ZNF793: variants seen among roughly 807,000 people sequenced by gnomAD.
ZNF793 encodes the protein zinc finger protein 793.
ZNF793 carries 5 observed loss-of-function variants against 12.4 expected under a neutral mutation model. The ratio of observed to expected loss-of-function variants is 0.40; its 90% CI spans 0.21 to 0.84. The LOEUF (loss-of-function observed/expected upper bound fraction) is 0.84, where lower values mean the gene tolerates loss of function less well. Ranked by LOEUF, ZNF793 falls within the 40% of genes least tolerant of loss-of-function variation. The pLI, the probability that ZNF793 is intolerant of heterozygous loss-of-function variation, is 0.35. For missense variants in ZNF793, 456 were observed against 495.0 expected (o/e 0.92, Z 0.75); for synonymous variants, 162 against 172.4 (o/e 0.94, Z 0.47).
chr19:37,519,341 GAT>G (rs572570231), intron 2 of ZNF793, among the ~76,000 whole-genome samples: 23 of 152,260 alleles, frequency 1.5e-4, no homozygotes, highest in Admixed American at 1.2e-3. Context: ...CAGTGTAAGA[GAT>G]ATGATTTCCA....
chr19:37,522,467 G>C (rs1459922916), intron 3 of ZNF793, 65 bp from the exon 4 acceptor site: 1 of 152,152 alleles, frequency 6.6e-6, no homozygotes. Flanking sequence ...CAAAGTGCTG[G>C]GATTACAGGG....
At chr19:37,521,429 CTTTT>C (rs74174472) in intron 3 of ZNF793, among the ~76,000 whole-genome samples, 59 of 97,028 alleles carry the variant, frequency 6.1e-4, no homozygotes, top group African/African-American at 2.3e-3. Flanking sequence ...GGTCAATTCT[CTTTT>C]TTTTTTTTTT....
rs1350234925 is a variant in ZNF793 at position 37,537,634 on chromosome 19, C to T, written c.976C>T (p.Leu326Phe). The T allele has an allele frequency of 1.4e-5, 22 of 1,613,968 alleles. No individual in the cohort carries two copies. The highest frequency in any genetic ancestry group is 1.9e-5 in the Non-Finnish European group (22 of 1,180,008). Residue 326 changes from leucine (L) to phenylalanine (F), a missense_variant, in exon 8 of 8, where the codon CTC (leucine) becomes TTC (phenylalanine). Coordinates refer to ENST00000627814, the MANE Select transcript of ZNF793 (RefSeq NM_001013659.3). The part of the protein sequence containing the change: ...CGKSFGEKSY[L>F]NVHRKMHTGE... ...GAAATCGTTTGGTGAGAAGTCATAC[C>T]TCAATGTACATCGAAAAATGCACAC...
chr19:37,514,799 A>C (rs1162251407), intron 2 of ZNF793, among the ~76,000 whole-genome samples: 1 of 152,210 alleles, frequency 6.6e-6, no homozygotes, highest in Non-Finnish European at 1.5e-5. Flanking sequence ...ATTATGACTG[A>C]GAATAAATTT....
At position 37,539,332 on chromosome 19, in the gene ZNF793, A is replaced by T. The variant is rs971549406; in HGVS notation, c.*1453A>T. On this transcript the variant is annotated 3_prime_UTR_variant, in exon 8 of 8. Coordinates refer to ENST00000627814, the MANE Select transcript of ZNF793 (RefSeq NM_001013659.3). ...CTATTCTAGATACACTATTCTATAT[A>T]CAGGTTGTATAACTCAGAAATGTTT... 6.6e-6 allele frequency: 1 copy of T among 152,232 alleles called. No homozygotes were observed. Among genetic ancestry groups the T allele is most frequent in the Non-Finnish European group, 1.5e-5 (1 of 68,032 alleles). The allele number at this position is 152,232 out of a possible 1,614,324, so 9.4% of individuals were successfully genotyped here. A position where few individuals can be genotyped will look rare whatever the true frequency, so the allele number is the denominator to read the frequency against.
chr19:37,506,565 T>C, upstream of ZNF793: 1 of 152,184 alleles, frequency 6.6e-6, no homozygotes, highest in African/African-American at 2.4e-5. Context: ...GCGGTAAAAA[T>C]GTACGCGGCC....
intron 4 of ZNF793, among the ~76,000 whole-genome samples, chr19:37,522,880 T>C (rs562990924): frequency 6.6e-6 from 1 of 152,192 alleles, no homozygotes; most frequent in African/African-American, 2.4e-5. Context: ...TTCTTTTCCT[T>C]TTATAATCAT....
chr19:37,527,639 C>T (rs1004117793), intron 5 of ZNF793, among the ~76,000 whole-genome samples: 3 of 152,170 alleles, frequency 2.0e-5, no homozygotes, highest in East Asian at 1.9e-4. Flanking sequence ...CACTGCTTTG[C>T]ATCTCATGTT....
rs1207044398 is a variant in ZNF793 at position 37,542,446 on chromosome 19, T to G, written c.*4567T>G. ...ATATTATTAAAATATTTATGTCACT[T>G]TGGAGAATCTTCCCTTAGAAGTAAA... On this transcript the variant is annotated 3_prime_UTR_variant, in exon 8 of 8. Transcript: ENST00000627814. 2.4e-6 allele frequency: 1 copy of G among 414,906 alleles called. No homozygotes were observed. The highest frequency in any genetic ancestry group is 2.1e-5 in the African/African-American group (1 of 48,572). 25.7% of individuals were successfully genotyped at this position (414,906 alleles called of 1,614,324 possible).
In ZNF793 at chr19:37,540,899, G is replaced by GA. The variant is rs1285323919; in HGVS notation, c.*3027dup. 1.3e-5 allele frequency: 2 copies of GA among 151,088 alleles called. No homozygotes were observed. The highest frequency in any genetic ancestry group is 2.1e-4 in the South Asian group (1 of 4,808). 9.4% of individuals were successfully genotyped at this position (151,088 alleles called of 1,614,324 possible). A position where few individuals can be genotyped will look rare whatever the true frequency, so the allele number is the denominator to read the frequency against. On this transcript the variant is annotated 3_prime_UTR_variant, in exon 8 of 8. Coordinates refer to ENST00000627814, the MANE Select transcript of ZNF793 (RefSeq NM_001013659.3). Reference sequence around the variant, plus strand: ...TTGACAATCATTGAAAAAAATATATGAAAAAAATCATACCATGTATAAAAA... The same window carrying GA: ...TTGACAATCATTGAAAAAAATATATGAAAAAAAATCATACCATGTATAAAAA...
At chr19:37,512,255 G>T (rs1226820808) in intron 2 of ZNF793, among the ~76,000 whole-genome samples, 1 of 152,140 alleles carries the variant, frequency 6.6e-6, no homozygotes, top group Non-Finnish European at 1.5e-5. Context: ...GGTGGCTCAT[G>T]CCTGTAATCC....
At position 37,523,518 on chromosome 19, in the gene ZNF793, G is replaced by A. The variant is rs2042390871; in HGVS notation, c.15+64G>A. On this transcript the variant is annotated intron_variant, in intron 5 of 7. Transcript: ENST00000627814. ...GGAAACTGTCCTAGAGGAAAAAAAG[G>A]GTGTGCATTGTAAGTATGTACAGTT... is the stretch of plus-strand genomic sequence containing the variant. 7 of 1,498,318 alleles carry A rather than the reference G, an allele frequency of 4.7e-6. No homozygotes were observed. The Admixed American group carries it at 1.0e-4, about 22-fold the overall frequency. 92.8% of individuals were successfully genotyped at this position (1,498,318 alleles called of 1,614,324 possible).
intron 7 of ZNF793, chr19:37,535,638 C>G (rs1457849352): frequency 6.6e-6 from 1 of 152,128 alleles, no homozygotes; most frequent in Non-Finnish European, 1.5e-5. Context: ...GATTCTCCTG[C>G]CTCAGCCTCC....
intron 2 of ZNF793, among the ~76,000 whole-genome samples, chr19:37,512,235 G>A (rs1040238322): frequency 2.0e-5 from 3 of 152,056 alleles, no homozygotes; most frequent in Non-Finnish European, 4.4e-5. Flanking sequence ...TATAAGAATA[G>A]GCCCGGTGTG....
rs991746545 is a variant in ZNF793 at position 37,539,291 on chromosome 19, T to C, written c.*1412T>C. The C allele has an allele frequency of 2.0e-5, 3 of 152,208 alleles. No individual in the cohort carries two copies. The highest frequency in any genetic ancestry group is 7.2e-5 in the African/African-American group (3 of 41,452). 9.4% of individuals were successfully genotyped at this position (152,208 alleles called of 1,614,324 possible). The stretch of plus-strand genomic sequence containing the variant: ...TTGCTTAAAATATCTTGTAGCAAAT[T>C]AGTAGCATTGCTACACTATTCTAGA... On this transcript the variant is annotated 3_prime_UTR_variant, in exon 8 of 8. Transcript: ENST00000627814.
chr19:37,525,177 C>T (rs1222600463), intron 5 of ZNF793, among the ~76,000 whole-genome samples: 10 of 150,008 alleles, frequency 6.7e-5, no homozygotes, highest in East Asian at 3.9e-4. Context: ...TGCTCTCTGT[C>T]GCCCAGGCTG....
chr19:37,521,119 C>A (rs1164192256), intron 3 of ZNF793, among the ~76,000 whole-genome samples: 1 of 151,042 alleles, frequency 6.6e-6, no homozygotes, highest in Non-Finnish European at 1.5e-5. Flanking sequence ...TCCCAAATAG[C>A]TGGGACTACA....
chr19:37,537,910 AAT>A lies in ZNF793; in HGVS notation c.*32_*33del. On this transcript the variant is annotated 3_prime_UTR_variant, in exon 8 of 8. Transcript: ENST00000627814. ...ATATCTGGTTTCATGGTATGTAGGGAATTTTTTTTTTTTTTTTTTGAGTTGGA... is the reference window on the plus strand; with the variant it reads ...ATATCTGGTTTCATGGTATGTAGGGATTTTTTTTTTTTTTTTTGAGTTGGA... 1.4e-6 allele frequency: 2 copies of A among 1,463,806 alleles called. No homozygotes were observed. The highest frequency in any genetic ancestry group is 1.8e-6 in the Non-Finnish European group (2 of 1,107,062). The allele number at this position is 1,463,806 out of a possible 1,614,324, so 90.7% of individuals were successfully genotyped here.
chr19:37,531,967 G>A (rs896365203), intron 5 of ZNF793, among the ~76,000 whole-genome samples: 1 of 151,598 alleles, frequency 6.6e-6, no homozygotes, highest in Non-Finnish European at 1.5e-5. Flanking sequence ...TAGATAATAA[G>A]CTCTAACTTA....
Sources: allele counts gnomAD v4.1 joint callset (sites outside exome capture counted in the v4.1 genomes callset), GRCh38; gene constraint gnomAD v4.1.1; transcripts MANE v1.5; gene names NCBI Gene and HGNC (gene_info 2026-07-23, HGNC 2026-07-21).